PHACTR2: variants seen among roughly 807,000 people sequenced by gnomAD.
PHACTR2 encodes phosphatase and actin regulator 2.
In PHACTR2, 30 loss-of-function variants were observed where a neutral mutation model predicts 76.0. The observed-to-expected ratio is 0.39, with a 90% CI of 0.30 to 0.54. The LOEUF (loss-of-function observed/expected upper bound fraction) is 0.54, where lower values mean the gene tolerates loss of function less well. Among genes scored for constraint, PHACTR2 ranks in the 20% least tolerant of loss-of-function variants. The pLI is 0.61. For synonymous variants in PHACTR2, 292 were observed against 292.5 expected, an observed-to-expected ratio of 1.00 and a Z score of 0.02; for missense variants, 696 against 781.1, an observed-to-expected ratio of 0.89 and a Z score of 1.30.
At chr6:143,728,457 A>C (rs1778627393) in intron 2 of PHACTR2, among the ~76,000 whole-genome samples, 1 of 151,568 alleles carries the variant, frequency 6.6e-6, no homozygotes, top group Admixed American at 6.6e-5. Flanking sequence ...CAAGTGATCC[A>C]CCAGCCTCAT....
intron 6 of PHACTR2, among the ~76,000 whole-genome samples, chr6:143,769,586 T>C (rs765477902): frequency 7.9e-5 from 12 of 152,156 alleles, no homozygotes; most frequent in Non-Finnish European, 1.5e-4. Context: ...CTATAAGTTA[T>C]CTGCCCTCCT....
chr6:143,642,737 G>A (rs1776590542), intron 1 of PHACTR2, among the ~76,000 whole-genome samples: 2 of 152,198 alleles, frequency 1.3e-5, no homozygotes, highest in African/African-American at 4.8e-5. Context: ...CAGAGATTGG[G>A]TGATGCTTCT....
At chr6:143,690,949 A>T (rs2128456067) in intron 1 of PHACTR2, among the ~76,000 whole-genome samples, 1 of 152,256 alleles carries the variant, frequency 6.6e-6, no homozygotes, top group African/African-American at 2.4e-5. Context: ...GCTCGTTCTG[A>T]TAGGATCCTG....
In PHACTR2 at chr6:143,601,034, A is replaced by G. The variant is rs941170607; in HGVS notation, c.217+63827A>G. On this transcript the variant is annotated intron_variant, in intron 1 of 11. Coordinates refer to the PHACTR2 transcript ENST00000367584. Reference sequence around the variant, plus strand: ...TTGAGGCACATTTCTTAACCTCTCCAAGCCTTAGTTTCTTCATCTATAAAA... The same window carrying G: ...TTGAGGCACATTTCTTAACCTCTCCGAGCCTTAGTTTCTTCATCTATAAAA... Among the ~76,000 whole-genome samples the G allele has an allele frequency of 5.3e-5, 8 of 152,184 alleles. No homozygotes were observed. The East Asian group carries it at 1.5e-3, about 29-fold the overall frequency.
chr6:143,593,765 T>A (rs1775719630), intron 1 of PHACTR2, among the ~76,000 whole-genome samples: 1 of 152,344 alleles, frequency 6.6e-6, no homozygotes, highest in Admixed American at 6.5e-5. Context: ...ACGAGGAGCT[T>A]ATAGGGAAAT....
intron 11 of PHACTR2, among the ~76,000 whole-genome samples, chr6:143,805,492 A>C (rs1300910493): frequency 6.7e-6 from 1 of 148,662 alleles, no homozygotes; most frequent in Non-Finnish European, 1.5e-5. Context: ...AAAAAAAAAA[A>C]AAAAAAAACC....
chr6:143,595,990 A>G lies in PHACTR2; in HGVS notation c.217+58783A>G, dbSNP rs1367398169. ...TCAAACTATTTCTCGTATAAGCACT[A>G]TCTACTGGAGACTCTTAAAATAGTA... On this transcript the variant is annotated intron_variant, in intron 1 of 11. Transcript: ENST00000367584. This position sits in a 1 kb window ranked among gnomAD's most constrained non-coding sequence, Gnocchi z 4.2. Among the ~76,000 whole-genome samples the G allele has an allele frequency of 6.6e-6, 1 of 152,234 alleles. No individual in the cohort carries two copies. The highest frequency in any genetic ancestry group is 2.4e-5 in the African/African-American group (1 of 41,470).
intron 1 of PHACTR2, among the ~76,000 whole-genome samples, chr6:143,626,926 CTCTTTT>C (rs1221850620): frequency 6.6e-6 from 1 of 152,170 alleles, no homozygotes; most frequent in Non-Finnish European, 1.5e-5. Context: ...TTTGGAATTC[CTCTTTT>C]AGAATTGTCT....
intron 1 of PHACTR2, among the ~76,000 whole-genome samples, chr6:143,542,164 G>A (rs190370169): frequency 1.3e-5 from 2 of 152,174 alleles, no homozygotes; most frequent in Admixed American, 1.3e-4. Flanking sequence ...GTGGGCTCAG[G>A]TCCAGCCTGC....
At chr6:143,613,943 C>T (rs996878041) in intron 1 of PHACTR2, among the ~76,000 whole-genome samples, 4 of 152,158 alleles carry the variant, frequency 2.6e-5, no homozygotes, top group African/African-American at 9.7e-5. Context: ...CATGCTGAGG[C>T]CGGGCGTGGT....
At chr6:143,544,957 T>C (rs1305220536) in intron 1 of PHACTR2, among the ~76,000 whole-genome samples, 1 of 152,024 alleles carries the variant, frequency 6.6e-6, no homozygotes, top group East Asian at 1.9e-4. Flanking sequence ...TTTTTTTTTT[T>C]TCTTTGAGAC....
In PHACTR2 at chr6:143,595,864, T is replaced by C. The variant is rs907632497; in HGVS notation, c.217+58657T>C. Among the ~76,000 whole-genome samples, 1 of 152,336 alleles carries C rather than the reference T, an allele frequency of 6.6e-6. No individual in the cohort carries two copies. The highest frequency in any genetic ancestry group is 1.9e-4 in the East Asian group (1 of 5,192). On this transcript the variant is annotated intron_variant, in intron 1 of 11. Transcript: ENST00000367584. This position sits in a 1 kb window ranked among gnomAD's most constrained non-coding sequence, Gnocchi z 4.2. ...GCTGATGGTGCTATTTAAACATTAATCCTTTAACCTTTTCCTTCTCCCTTC... is the reference window on the plus strand; with the variant it reads ...GCTGATGGTGCTATTTAAACATTAACCCTTTAACCTTTTCCTTCTCCCTTC...
rs191841380 is a variant in PHACTR2, at chr6:143,588,581, C to T, written c.217+51374C>T. Among the ~76,000 whole-genome samples, 19 of 152,032 alleles carry T rather than the reference C, an allele frequency of 1.2e-4. No individual in the cohort carries two copies. The East Asian group carries it at 2.1e-3, about 17-fold the overall frequency. ...AGAGTAAGGCTTTCTCAGAATCTAC[C>T]CAAAGAAAGCAGGAAGAATGTAATA... is the stretch of plus-strand genomic sequence containing the variant. On this transcript the variant is annotated intron_variant, in intron 1 of 11. Coordinates refer to the PHACTR2 transcript ENST00000367584.
rs1775793862 is a variant in PHACTR2 at position 143,599,689 on chromosome 6, A to C, written c.217+62482A>C. The stretch of plus-strand genomic sequence containing the variant: ...AGTTGCAAAGGGTGCTTCCCTTGCT[A>C]GCCTATAAGAACAGCTCATTAAGAT... On this transcript the variant is annotated intron_variant, in intron 1 of 11. Coordinates refer to the PHACTR2 transcript ENST00000367584. This position sits in a 1 kb window ranked among gnomAD's most constrained non-coding sequence, Gnocchi z 4.6. Among the ~76,000 whole-genome samples the C allele has an allele frequency of 6.6e-6, 1 of 152,210 alleles. No homozygotes were observed. Among genetic ancestry groups the C allele is most frequent in the Admixed American group, 6.5e-5 (1 of 15,290 alleles).
chr6:143,618,608 G>T lies in PHACTR2; in HGVS notation c.13+10286G>T, dbSNP rs573748443. On this transcript the variant is annotated intron_variant, in intron 1 of 11. Transcript: ENST00000305766. This position sits in a 1 kb window ranked among gnomAD's most constrained non-coding sequence, Gnocchi z 5.2. ...CACCAGGGACTGGCAGGGGAGGCTGGGGGGGGATAGGGGTTGAATGTTTCC... is the reference window on the plus strand; with the variant it reads ...CACCAGGGACTGGCAGGGGAGGCTGTGGGGGGATAGGGGTTGAATGTTTCC... 3.8e-4 allele frequency among the ~76,000 whole-genome samples: 7 copies of T among 18,304 alleles called. No individual in the cohort carries two copies. The South Asian group carries it at 7.4e-3, about 19-fold the overall frequency. 12.0% of individuals were successfully genotyped at this position (18,304 alleles called of 152,430 possible).
chr6:143,671,984 ATAT>A lies in PHACTR2; in HGVS notation c.14-40027_14-40025del, dbSNP rs1412420992. ...GCCAGATTAAAAAAAACTGTACATA[ATAT>A]TATTCCATTTGTAAGAAATTTTAGA... On this transcript the variant is annotated intron_variant, in intron 1 of 11. Transcript: ENST00000305766. The surrounding 1 kb of genome is among the most constrained non-coding windows in gnomAD (Gnocchi z 4.6). Among the ~76,000 whole-genome samples the A allele has an allele frequency of 6.6e-6, 1 of 152,158 alleles. No individual in the cohort carries two copies. The highest frequency in any genetic ancestry group is 2.4e-5 in the African/African-American group (1 of 41,430).
chr6:143,827,112 C>T lies in PHACTR2; in HGVS notation c.*3423C>T, dbSNP rs1463513740. On this transcript the variant is annotated 3_prime_UTR_variant, in exon 13 of 13. Coordinates refer to ENST00000440869, the MANE Select transcript of PHACTR2 (RefSeq NM_001100164.2). ...CTGAGTCAAAAAAGGTCCAGTTTTA[C>T]AGCCTGCAATTAATTCAGGGCTGCG... 2 of 139,248 alleles carry T rather than the reference C, an allele frequency of 1.4e-5. No homozygotes were observed. The highest frequency in any genetic ancestry group is 5.3e-5 in the African/African-American group (2 of 37,642). 8.6% of individuals were successfully genotyped at this position (139,248 alleles called of 1,614,324 possible). A position where few individuals can be genotyped will look rare whatever the true frequency, so the allele number is the denominator to read the frequency against.
chr6:143,730,379 G>T lies in PHACTR2; in HGVS notation c.214+18196G>T, dbSNP rs1035995322. ...TAGCTTTTGAAGTTTTTAGAAAACA[G>T]TTAATAAGTTTATACTTCAGTATTT... On this transcript the variant is annotated intron_variant, in intron 2 of 12. Transcript: ENST00000440869. This position sits in a 1 kb window ranked among gnomAD's most constrained non-coding sequence, Gnocchi z 4.8. 5.9e-5 allele frequency among the ~76,000 whole-genome samples: 9 copies of T among 152,042 alleles called. No homozygotes were observed. The highest frequency in any genetic ancestry group is 2.2e-4 in the African/African-American group (9 of 41,420).
At position 143,539,584 on chromosome 6, in the gene PHACTR2, A is replaced by G. The variant is rs986386582; in HGVS notation, c.217+2377A>G. On this transcript the variant is annotated intron_variant, in intron 1 of 11. Transcript: ENST00000367584. This position sits in a 1 kb window ranked among gnomAD's most constrained non-coding sequence, Gnocchi z 4.3. The stretch of plus-strand genomic sequence containing the variant: ...ACAATAAGAGGGTTACACGCCTTGT[A>G]AAAACATTCCTTGGCCTAACACTAT... Among the ~76,000 whole-genome samples the G allele has an allele frequency of 8.5e-5, 13 of 152,166 alleles. No individual in the cohort carries two copies. Among genetic ancestry groups the G allele is most frequent in the African/African-American group, 2.9e-4 (12 of 41,430 alleles).
Sources: gnomAD v4.1 joint callset for allele counts (sites outside exome capture counted in the v4.1 genomes callset) on GRCh38, gnomAD v4.1.1 for gene constraint, Gnocchi (gnomAD v3.1) non-coding constraint, MANE v1.5 for transcripts, NCBI Gene and HGNC (gene_info 2026-07-23, HGNC 2026-07-21) for gene names.